CTNNA3: variants seen among roughly 807,000 people sequenced by gnomAD.
CTNNA3 encodes catenin alpha 3.
CTNNA3 carries 76 observed loss-of-function variants against 95.7 expected under a neutral mutation model. The ratio of observed to expected loss-of-function variants is 0.79; its 90% CI spans 0.66 to 0.96. The LOEUF (loss-of-function observed/expected upper bound fraction) is 0.96, where lower values mean the gene tolerates loss of function less well. Among genes scored for constraint, CTNNA3 ranks in the 40% least tolerant of loss-of-function variants. CTNNA3 has a pLI of 0.00. For missense variants in CTNNA3, 1,191 were observed against 1,089.8 expected, an observed-to-expected ratio of 1.09 and a Z score of -1.31; for synonymous variants, 431 against 374.4, an observed-to-expected ratio of 1.15 and a Z score of -1.74.
At chr10:66,733,996 T>C (rs1363703419) in intron 9 of CTNNA3, among the ~76,000 whole-genome samples, 1 of 151,746 alleles carries the variant, frequency 6.6e-6, no homozygotes, top group East Asian at 1.9e-4. Context: ...ATTTATGACA[T>C]GTTTTACCAA....
chr10:67,160,557 C>A (rs1279306156), intron 7 of CTNNA3, among the ~76,000 whole-genome samples: 3 of 151,732 alleles, frequency 2.0e-5, no homozygotes, highest in Non-Finnish European at 4.4e-5. Context: ...CCCACCTCAG[C>A]CTCCCTAGAG....
At chr10:67,091,780 T>C (rs1238060714) in intron 7 of CTNNA3, among the ~76,000 whole-genome samples, 1 of 151,944 alleles carries the variant, frequency 6.6e-6, no homozygotes, top group Non-Finnish European at 1.5e-5. Context: ...GGAGTCAAAG[T>C]AGATGGGCAA....
chr10:67,501,233 G>T (rs1258047101), intron 5 of CTNNA3, among the ~76,000 whole-genome samples: 2 of 152,154 alleles, frequency 1.3e-5, no homozygotes, highest in East Asian at 3.9e-4. Context: ...GTTTAATTTG[G>T]CTGGATATGA....
chr10:67,508,341 C>T (rs780972173), intron 5 of CTNNA3, among the ~76,000 whole-genome samples: 23 of 151,974 alleles, frequency 1.5e-4, no homozygotes, highest in Non-Finnish European at 2.8e-4. Context: ...CAATAAAGGC[C>T]GTATTTCACA....
At chr10:67,611,376 C>T (rs13328771) in intron 2 of CTNNA3, among the ~76,000 whole-genome samples, 13,122 of 151,800 alleles carry the variant, frequency 0.086, 1,313 homozygotes, top group African/African-American at 0.25. Flanking sequence ...TGCCGTGGCA[C>T]GATCTCCGTT....
At chr10:66,586,842 T>C (rs748117179) in intron 10 of CTNNA3, among the ~76,000 whole-genome samples, 1 of 152,146 alleles carries the variant, frequency 6.6e-6, no homozygotes, top group African/African-American at 2.4e-5. Flanking sequence ...TCAAGGCCCA[T>C]GGTCTGCTTT....
At chr10:66,916,081 A>T (rs949524193) in intron 7 of CTNNA3, among the ~76,000 whole-genome samples, 1 of 152,138 alleles carries the variant, frequency 6.6e-6, no homozygotes, top group Admixed American at 6.5e-5. Flanking sequence ...TGGGACAAAC[A>T]ACAAGCCCTA....
At chr10:66,798,541 T>C (rs1414377521) in intron 7 of CTNNA3, among the ~76,000 whole-genome samples, 2 of 151,654 alleles carry the variant, frequency 1.3e-5, no homozygotes, top group Non-Finnish European at 3.0e-5. Context: ...TAAATGGCTG[T>C]ATAACTCAAT....
chr10:66,088,574 T>C (rs1178652084), intron 14 of CTNNA3, among the ~76,000 whole-genome samples: 1 of 151,272 alleles, frequency 6.6e-6, no homozygotes, highest in Non-Finnish European at 1.5e-5. Context: ...TCCAAATGTA[T>C]CTGGGCAAAC....
At chr10:66,076,596 A>G (rs1211743182) in intron 14 of CTNNA3, among the ~76,000 whole-genome samples, 1 of 151,644 alleles carries the variant, frequency 6.6e-6, no homozygotes, top group African/African-American at 2.4e-5. Context: ...ACCCCTCTTA[A>G]CACCCAGTGG....
At chr10:66,605,893 C>T (rs979170820) in intron 10 of CTNNA3, among the ~76,000 whole-genome samples, 12 of 152,146 alleles carry the variant, frequency 7.9e-5, no homozygotes, top group African/African-American at 2.7e-4. Flanking sequence ...AGCAACCACA[C>T]AAACAAGTTT....
chr10:67,463,543 T>C (rs1480444480), intron 5 of CTNNA3, among the ~76,000 whole-genome samples: 2 of 152,184 alleles, frequency 1.3e-5, no homozygotes, highest in Non-Finnish European at 2.9e-5. Flanking sequence ...TCATGTCCTC[T>C]GGAGAAGGGA....
chr10:67,633,589 A>G (rs995924794), intron 2 of CTNNA3, among the ~76,000 whole-genome samples: 1 of 152,122 alleles, frequency 6.6e-6, no homozygotes, highest in African/African-American at 2.4e-5. Flanking sequence ...GGTAAGGAAA[A>G]CTGAGGCAAC....
At chr10:66,294,958 G>A (rs2091752708) in intron 12 of CTNNA3, among the ~76,000 whole-genome samples, 2 of 151,958 alleles carry the variant, frequency 1.3e-5, no homozygotes, top group South Asian at 2.1e-4. Context: ...TGAAGCCATG[G>A]CAATAGGCCA....
At chr10:66,957,349 A>G (rs1848843988) in intron 7 of CTNNA3, among the ~76,000 whole-genome samples, 1 of 149,786 alleles carries the variant, frequency 6.7e-6, no homozygotes, top group African/African-American at 2.4e-5. Context: ...AGTAAAAAAT[A>G]CTTTAGAAGA....
At chr10:66,846,205 A>T (rs1335903743) in intron 7 of CTNNA3, among the ~76,000 whole-genome samples, 1 of 152,112 alleles carries the variant, frequency 6.6e-6, no homozygotes, top group Non-Finnish European at 1.5e-5. Flanking sequence ...AATAAACCAG[A>T]CCCAGAAACA....
At chr10:66,491,428 G>A (rs1839918922) in intron 11 of CTNNA3, among the ~76,000 whole-genome samples, 1 of 152,156 alleles carries the variant, frequency 6.6e-6, no homozygotes, top group African/African-American at 2.4e-5. Flanking sequence ...TCCAGATGGA[G>A]TGGAAGAAGC....
At chr10:66,454,325 A>G (rs2093482523) in intron 11 of CTNNA3, among the ~76,000 whole-genome samples, 1 of 152,230 alleles carries the variant, frequency 6.6e-6, no homozygotes, top group Non-Finnish European at 1.5e-5. Flanking sequence ...AAATGCCACT[A>G]AAATTGATAA....
At chr10:67,144,957 G>C (rs1352605525) in intron 7 of CTNNA3, among the ~76,000 whole-genome samples, 1 of 152,144 alleles carries the variant, frequency 6.6e-6, no homozygotes, top group African/African-American at 2.4e-5. Context: ...GATTTAAAGA[G>C]ACGTGCGGCT....
Sources: gnomAD v4.1 joint callset for allele counts (sites outside exome capture counted in the v4.1 genomes callset) on GRCh38, gnomAD v4.1.1 for gene constraint, MANE v1.5 for transcripts, NCBI Gene and HGNC (gene_info 2026-07-23, HGNC 2026-07-21) for gene names.